PRXL2A: variants seen among roughly 807,000 people sequenced by gnomAD.
PRXL2A encodes the protein peroxiredoxin-like 2A.
PRXL2A carries 26 observed loss-of-function variants against 25.6 expected under a neutral mutation model. That is an observed-to-expected ratio of 1.02 (90% CI 0.74 to 1.41). The LOEUF (loss-of-function observed/expected upper bound fraction) is 1.41. Among genes scored for constraint, PRXL2A ranks in the 40% most tolerant of loss-of-function variants. The pLI is 0.00. For missense variants in PRXL2A, 246 were observed against 273.9 expected (o/e 0.90, Z 0.72); for synonymous variants, 98 against 102.9 (o/e 0.95, Z 0.29).
intron 1 of PRXL2A, among the ~76,000 whole-genome samples, chr10:80,419,174 C>A (rs1293093709): frequency 6.6e-6 from 1 of 151,854 alleles, no homozygotes; most frequent in Non-Finnish European, 1.5e-5. Context: ...TTAGTAGAGA[C>A]AGGGTTTCAC....
At chr10:80,408,529 C>A (rs1160659617), upstream of PRXL2A, 2 of 152,292 alleles carry the variant, frequency 1.3e-5, no homozygotes, top group East Asian at 1.9e-4. Flanking sequence ...GCAGCACAGG[C>A]TAGAGGCTGC....
chr10:80,413,141 T>G, intron 1 of PRXL2A, among the ~76,000 whole-genome samples: 1 of 67,788 alleles, frequency 1.5e-5, no homozygotes, highest in Non-Finnish European at 3.1e-5. Context: ...CTGTCCCCCC[T>G]CCCTGCCCCC....
chr10:80,434,681 G>T lies in PRXL2A; in HGVS notation c.*2582G>T, dbSNP rs1158724675. The T allele has an allele frequency of 6.6e-6, 1 of 152,144 alleles. No individual in the cohort carries two copies. The highest frequency in any genetic ancestry group is 1.9e-4 in the East Asian group (1 of 5,186). The allele number at this position is 152,144 out of a possible 1,614,324, so 9.4% of individuals were successfully genotyped here. A position where few individuals can be genotyped will look rare whatever the true frequency, so the allele number is the denominator to read the frequency against. On this transcript the variant is annotated 3_prime_UTR_variant, in exon 6 of 6. Transcript: ENST00000606162. ...CAAAATTACAAAAAGCTGGTAAGGA[G>T]ATTGGTCAATGTGATTCGGCTATCT...
intron 2 of PRXL2A, among the ~76,000 whole-genome samples, chr10:80,421,284 T>C (rs1420671288): frequency 6.6e-6 from 1 of 152,180 alleles, no homozygotes; most frequent in East Asian, 1.9e-4. Context: ...CTAGAATCCA[T>C]TGTGGACAGC....
chr10:80,427,571 G>A (rs1186244578), intron 5 of PRXL2A, 75 bp downstream of exon 5: 12 of 1,517,218 alleles, frequency 7.9e-6, no homozygotes, highest in Admixed American at 5.5e-5. Context: ...AGAAGCTGGA[G>A]TGGGGGTTGA....
chr10:80,423,967 AT>A (rs1271636884), intron 3 of PRXL2A, among the ~76,000 whole-genome samples: 1 of 151,604 alleles, frequency 6.6e-6, no homozygotes, highest in East Asian at 1.9e-4. Flanking sequence ...CCCTTCCTCT[AT>A]TTTTAGGTCA....
At chr10:80,419,683 A>G (rs992350636) in intron 1 of PRXL2A, among the ~76,000 whole-genome samples, 1 of 152,212 alleles carries the variant, frequency 6.6e-6, no homozygotes, top group African/African-American at 2.4e-5. Context: ...AGGAGAAAAA[A>G]GTCAGATTAC....
At position 80,432,031 on chromosome 10, in the gene PRXL2A, A is replaced by G; in HGVS notation, c.622A>G (p.Asn208Asp). 1 of 1,611,312 alleles carries G rather than the reference A, an allele frequency of 6.2e-7. No homozygotes were observed. The highest frequency in any genetic ancestry group is 8.5e-7 in the Non-Finnish European group (1 of 1,179,262). ...AGAAAAAGAATTTGGAGACAAAGTA[A>G]ACCTACTTTCTGTTCTGGAAGCTGC... ...HREKEFGDKVNLLSVLEAAKM... is the reference protein window; with the variant it reads ...HREKEFGDKVDLLSVLEAAKM... The change falls in exon 6 of 6, where the codon AAC (asparagine) becomes GAC (aspartate). Residue 208 changes from asparagine to aspartate, a missense_variant. Asn to Asp is a conservative substitution (Grantham distance 23, BLOSUM62 1). Transcript: ENST00000606162.
intron 1 of PRXL2A, 70 bp downstream of exon 1, chr10:80,408,713 G>A (rs924197408): frequency 1.3e-5 from 2 of 152,576 alleles, no homozygotes; most frequent in African/African-American, 4.8e-5. Flanking sequence ...CGGCGTAGGT[G>A]GGGAAACTGA....
intron 1 of PRXL2A, among the ~76,000 whole-genome samples, chr10:80,415,713 G>A (rs1564688916): frequency 6.6e-6 from 1 of 152,154 alleles, no homozygotes; most frequent in Non-Finnish European, 1.5e-5. Flanking sequence ...TATTGAACAG[G>A]TCAGTACTGA....
At chr10:80,430,177 T>G (rs897570885) in intron 5 of PRXL2A, among the ~76,000 whole-genome samples, 40 of 135,848 alleles carry the variant, frequency 2.9e-4, no homozygotes, top group African/African-American at 1.0e-3. Context: ...CTCAGCTCAC[T>G]GCAACCTCCA....
At chr10:80,425,536 A>C (rs946356789) in intron 3 of PRXL2A, among the ~76,000 whole-genome samples, 1 of 152,204 alleles carries the variant, frequency 6.6e-6, no homozygotes, top group African/African-American at 2.4e-5. Flanking sequence ...TAGAACGGGG[A>C]TACCTTTCCA....
rs1845292919 is a variant in PRXL2A at position 80,432,377 on chromosome 10, A to T, written c.*278A>T. 1 of 323,908 alleles carries T rather than the reference A, an allele frequency of 3.1e-6. No homozygotes were observed. 20.1% of individuals were successfully genotyped at this position (323,908 alleles called of 1,614,324 possible). A position where few individuals can be genotyped will look rare whatever the true frequency, so the allele number is the denominator to read the frequency against. ...ACTGCCAGGCTGGGTGCAGTGGCTC[A>T]CACCTGTAATCCCAGCACTTTGGGA... On this transcript the variant is annotated 3_prime_UTR_variant, in exon 6 of 6. Transcript: ENST00000606162.
At position 80,434,210 on chromosome 10, in the gene PRXL2A, C is replaced by A. The variant is rs1200252223; in HGVS notation, c.*2111C>A. ...ACATGTTTGGTTTTTTGTGAGCTCT[C>A]ACCAACTTTTTTCCCCTGGGTCCTC... is the stretch of plus-strand genomic sequence containing the variant. On this transcript the variant is annotated 3_prime_UTR_variant, in exon 6 of 6. Coordinates refer to ENST00000606162, the MANE Select transcript of PRXL2A (RefSeq NM_032333.5). The A allele has an allele frequency of 6.6e-6, 1 of 151,984 alleles. No homozygotes were observed. Among genetic ancestry groups the A allele is most frequent in the Non-Finnish European group, 1.5e-5 (1 of 68,010 alleles). The allele number at this position is 151,984 out of a possible 1,614,324, so 9.4% of individuals were successfully genotyped here. A position where few individuals can be genotyped will look rare whatever the true frequency, so the allele number is the denominator to read the frequency against.
In PRXL2A at chr10:80,420,589, C is replaced by T. The variant is rs1297286844; in HGVS notation, c.122C>T (p.Pro41Leu). The change falls in exon 2 of 6, where the codon CCC becomes CTC. Residue 41 changes from proline to leucine, a missense_variant. Pro to Leu is a moderately conservative substitution (Grantham distance 98, BLOSUM62 -3). Coordinates refer to ENST00000606162, the MANE Select transcript of PRXL2A (RefSeq NM_032333.5). Reference protein sequence around the residue: ...LANTDVFLSKPQKAALEYLED... With the variant: ...LANTDVFLSKLQKAALEYLED... ...AACACAGACGTGTTTCTGTCCAAGC[C>T]CCAGAAAGCGGCCCTGGAGTACCTG... 3 of 1,613,850 alleles carry T rather than the reference C, an allele frequency of 1.9e-6. No individual in the cohort carries two copies. Among genetic ancestry groups the T allele is most frequent in the Admixed American group, 1.7e-5 (1 of 60,004 alleles).
At chr10:80,427,253 C>A in intron 4 of PRXL2A, 79 bp from the exon 5 acceptor site, 2 of 1,286,088 alleles carry the variant, frequency 1.6e-6, no homozygotes, top group Non-Finnish European at 1.1e-6. Flanking sequence ...AGAACCAATG[C>A]CCCGTCAGGA....
intron 1 of PRXL2A, chr10:80,420,112 TG>T: frequency 1.0e-6 from 1 of 993,264 alleles, no homozygotes; most frequent in Non-Finnish European, 1.2e-6. Flanking sequence ...GGAAGTAGTC[TG>T]CCTACAGGGG....
At chr10:80,420,216 TTCTC>T (rs1415048203) in intron 1 of PRXL2A, 1 of 1,151,502 alleles carries the variant, frequency 8.7e-7, no homozygotes, top group Admixed American at 4.7e-5. Context: ...AGGCTGTCCT[TTCTC>T]TGTCATCACT....
At chr10:80,423,748 C>T (rs1460638838) in intron 3 of PRXL2A, among the ~76,000 whole-genome samples, 1 of 151,940 alleles carries the variant, frequency 6.6e-6, no homozygotes, top group South Asian at 2.1e-4. Context: ...CAAAGCCACC[C>T]GGATCGGGGA....
Sources: gnomAD v4.1 joint callset for allele counts (sites outside exome capture counted in the v4.1 genomes callset) on GRCh38, gnomAD v4.1.1 for gene constraint, MANE v1.5 for transcripts, NCBI Gene and HGNC (gene_info 2026-07-23, HGNC 2026-07-21) for gene names.